The following AK5 variants were observed in gnomAD, a reference collection of about 807,000 sequenced individuals.
AK5 encodes adenylate kinase 5, also known as adenylate kinase isoenzyme 5.
In AK5, 27 loss-of-function variants were observed where a neutral mutation model predicts 69.5. The ratio of observed to expected loss-of-function variants is 0.39; its 90% CI spans 0.29 to 0.54. The LOEUF (loss-of-function observed/expected upper bound fraction) is 0.54. Ranked by LOEUF, AK5 falls within the 20% of genes least tolerant of loss-of-function variation. AK5 has a pLI of 0.71. For synonymous variants in AK5, 260 were observed against 244.4 expected (o/e 1.06, Z -0.60); for missense variants, 531 against 700.4 (o/e 0.76, Z 2.73).
intron 8 of AK5, among the ~76,000 whole-genome samples, chr1:77,444,038 T>G (rs1376145208): frequency 1.3e-5 from 2 of 150,848 alleles, no homozygotes; most frequent in Admixed American, 6.6e-5. Context: ...TTAAATCTTT[T>G]CACTTATTCA....
chr1:77,385,910 A>C (rs1647993049), intron 6 of AK5, among the ~76,000 whole-genome samples: 1 of 152,218 alleles, frequency 6.6e-6, no homozygotes, highest in Non-Finnish European at 1.5e-5. Context: ...GCAGTCAAAT[A>C]TATTGTTTAT....
At chr1:77,438,023 A>G (rs2100627708) in intron 8 of AK5, among the ~76,000 whole-genome samples, 1 of 152,200 alleles carries the variant, frequency 6.6e-6, no homozygotes, top group South Asian at 2.1e-4. Context: ...AACTAAATTA[A>G]CATTTCCAAA....
Position 77,558,929 on chromosome 1 carries a change from T to G in AK5, c.*259T>G. ...GCACTCACGGCACACACACTTTGTA[T>G]CATGCAGGCCACACTCAGAGCTAGT... On this transcript the variant is annotated 3_prime_UTR_variant, in exon 14 of 14. Transcript: ENST00000354567. 2.6e-6 allele frequency: 1 copy of G among 391,894 alleles called. No individual in the cohort carries two copies. The highest frequency in any genetic ancestry group is 4.7e-6 in the Non-Finnish European group (1 of 210,802). The allele number at this position is 391,894 out of a possible 1,614,324, so 24.3% of individuals were successfully genotyped here. A position where few individuals can be genotyped will look rare whatever the true frequency, so the allele number is the denominator to read the frequency against.
intron 10 of AK5, among the ~76,000 whole-genome samples, chr1:77,486,637 G>T (rs932928660): frequency 4.6e-5 from 7 of 151,700 alleles, no homozygotes; most frequent in Admixed American, 1.3e-4. Context: ...GGCAGAGCTT[G>T]CAGTGAGCCG....
intron 6 of AK5, among the ~76,000 whole-genome samples, chr1:77,381,636 G>A (rs74090502): frequency 0.012 from 1,786 of 152,264 alleles, 36 homozygotes; most frequent in African/African-American, 0.041. Context: ...CTTCACAGGG[G>A]TTTGCTTAAC....
At chr1:77,330,817 T>A (rs1661049716) in intron 5 of AK5, among the ~76,000 whole-genome samples, 1 of 152,238 alleles carries the variant, frequency 6.6e-6, no homozygotes, top group South Asian at 2.1e-4. Context: ...TGACATATTT[T>A]ATGATATTAA....
intron 13 of AK5, among the ~76,000 whole-genome samples, chr1:77,543,372 G>A (rs933152066): frequency 2.0e-5 from 3 of 152,118 alleles, no homozygotes; most frequent in Admixed American, 2.0e-4. Flanking sequence ...TCTTCTTTCA[G>A]TTGGCTAAAG....
intron 5 of AK5, among the ~76,000 whole-genome samples, chr1:77,306,903 A>T (rs1659674168): frequency 6.6e-6 from 1 of 152,042 alleles, no homozygotes; most frequent in Non-Finnish European, 1.5e-5. Context: ...GCCACTAATG[A>T]TCCTTGAATT....
At chr1:77,450,058 A>G (rs1427367386) in intron 8 of AK5, among the ~76,000 whole-genome samples, 4 of 152,124 alleles carry the variant, frequency 2.6e-5, no homozygotes, top group African/African-American at 9.7e-5. Flanking sequence ...ACAAATCTCT[A>G]GGGCAGGGGC....
Position 77,537,729 on chromosome 1 carries a change from T to A in AK5, c.1620+1691T>A, listed in dbSNP as rs867698121. ...AAACCATTGATAATGAATTCTTATC[T>A]TCTAACTCTGTTAATGGTCCGCTTT... On this transcript the variant is annotated intron_variant, in intron 13 of 13. Transcript: ENST00000354567. 5.9e-5 allele frequency among the ~76,000 whole-genome samples: 9 copies of A among 152,366 alleles called. No homozygotes were observed. The South Asian group carries it at 1.7e-3, about 28-fold the overall frequency.
At chr1:77,357,104 G>T (rs931126278) in intron 6 of AK5, among the ~76,000 whole-genome samples, 4 of 152,106 alleles carry the variant, frequency 2.6e-5, no homozygotes, top group Non-Finnish European at 4.4e-5. Context: ...GGGTAGGACT[G>T]CCAATTTCAT....
chr1:77,551,806 A>G (rs1659836919), intron 13 of AK5, among the ~76,000 whole-genome samples: 1 of 152,244 alleles, frequency 6.6e-6, no homozygotes, highest in Non-Finnish European at 1.5e-5. Flanking sequence ...TTCTATGAGG[A>G]AAGAAAGAGC....
At chr1:77,451,301 A>G (rs1653137334) in intron 8 of AK5, among the ~76,000 whole-genome samples, 1 of 152,246 alleles carries the variant, frequency 6.6e-6, no homozygotes, top group Non-Finnish European at 1.5e-5. Context: ...TGATTGATAG[A>G]CATTTAATAA....
chr1:77,532,207 C>T, intron 12 of AK5: 1 of 155,156 alleles, frequency 6.4e-6, no homozygotes, highest in East Asian at 1.9e-4. Context: ...TCCTCAAGCG[C>T]GGCCAGAGTG....
intron 6 of AK5, among the ~76,000 whole-genome samples, chr1:77,379,123 G>C (rs1647446094): frequency 6.6e-6 from 1 of 152,234 alleles, no homozygotes; most frequent in Non-Finnish European, 1.5e-5. Context: ...GGGTGATCCA[G>C]CATGAGAGGA....
intron 8 of AK5, among the ~76,000 whole-genome samples, chr1:77,473,510 C>T (rs905711768): frequency 2.0e-5 from 3 of 152,182 alleles, no homozygotes; most frequent in Admixed American, 2.0e-4. Context: ...TCTACACTTC[C>T]AGGATTGGAC....
chr1:77,388,962 A>G (rs1332458524), intron 6 of AK5, among the ~76,000 whole-genome samples: 1 of 152,212 alleles, frequency 6.6e-6, no homozygotes, highest in Admixed American at 6.5e-5. Flanking sequence ...AGGAGACTGG[A>G]TGGAAGCAGA....
intron 5 of AK5, among the ~76,000 whole-genome samples, chr1:77,304,729 A>G (rs1457992250): frequency 2.0e-5 from 3 of 152,152 alleles, no homozygotes; most frequent in Non-Finnish European, 4.4e-5. Flanking sequence ...TGCTTTATCC[A>G]TTCATCTGTG....
chr1:77,462,871 A>G (rs1040099716), intron 8 of AK5, among the ~76,000 whole-genome samples: 22 of 152,206 alleles, frequency 1.4e-4, no homozygotes, highest in Non-Finnish European at 2.2e-4. Context: ...TTTACTGGAG[A>G]AAATAATTTG....
Sources: gnomAD v4.1 joint callset for allele counts (sites outside exome capture counted in the v4.1 genomes callset) on GRCh38, gnomAD v4.1.1 for gene constraint, MANE v1.5 for transcripts, NCBI Gene and HGNC (gene_info 2026-07-23, HGNC 2026-07-21) for gene names.